REPS2: variants seen among roughly 807,000 people sequenced by gnomAD.
REPS2 encodes the protein ralBP1-associated Eps domain-containing protein 2.
REPS2 carries 23 observed loss-of-function variants against 53.6 expected under a neutral mutation model. The ratio of observed to expected loss-of-function variants is 0.43; its 90% CI spans 0.31 to 0.61. The LOEUF is 0.61. REPS2 is among the 20% of genes least tolerant of loss of function. REPS2 has a pLI of 0.11. For missense variants in REPS2, 446 were observed against 534.9 expected (o/e 0.83, Z 1.64); for synonymous variants, 238 against 218.6 (o/e 1.09, Z -0.78).
At chrX:16,966,839 T>C (rs998017534) in intron 1 of REPS2, among the ~76,000 whole-genome samples, 15 of 112,607 alleles carry the variant, frequency 1.3e-4, no homozygotes, top group Admixed American at 1.0e-3. Flanking sequence ...TGCCCAATAC[T>C]ACTTTTAGAA....
intron 14 of REPS2, among the ~76,000 whole-genome samples, chrX:17,122,332 T>C (rs1013424004): frequency 8.0e-5 from 9 of 112,385 alleles, no homozygotes; most frequent in Non-Finnish European, 1.3e-4. Context: ...GTCTGGCTTT[T>C]TATTAAATGA....
At chrX:17,171,220 C>T in the REPS2 span, among the ~76,000 whole-genome samples, 1 of 111,851 alleles carries the variant, frequency 8.9e-6, no homozygotes, top group Non-Finnish European at 1.9e-5. Context: ...GGAGTGCTTC[C>T]CACCCAGCTC....
chrX:17,039,741 A>G (rs1011628538), intron 5 of REPS2, among the ~76,000 whole-genome samples: 1 of 112,311 alleles, frequency 8.9e-6, no homozygotes, highest in African/African-American at 3.2e-5. Flanking sequence ...CATGTGCCAT[A>G]GGTGTGTGGT....
At chrX:17,054,305 T>C (rs893119613) in intron 7 of REPS2, among the ~76,000 whole-genome samples, 2 of 112,919 alleles carry the variant, frequency 1.8e-5, no homozygotes, top group Non-Finnish European at 3.7e-5. Flanking sequence ...TACAAAAATT[T>C]ACGTGACTTG....
intron 14 of REPS2, among the ~76,000 whole-genome samples, chrX:17,127,130 T>A (rs2063222657): frequency 8.9e-6 from 1 of 111,946 alleles, no homozygotes; most frequent in Admixed American, 9.5e-5. Context: ...ACTCACAACA[T>A]TCCAAAAATG....
chrX:17,017,284 A>G (rs1333696618), intron 2 of REPS2, among the ~76,000 whole-genome samples: 1 of 112,228 alleles, frequency 8.9e-6, no homozygotes, highest in African/African-American at 3.2e-5. Flanking sequence ...ATATATTCTT[A>G]AAAGTGGATT....
At chrX:17,048,957 A>G (rs1481209780) in intron 6 of REPS2, among the ~76,000 whole-genome samples, 2 of 111,710 alleles carry the variant, frequency 1.8e-5, no homozygotes, top group African/African-American at 6.5e-5. Flanking sequence ...GTGCAATGGC[A>G]CGATCTTGGC....
chrX:17,103,481 T>G (rs1474547419), intron 13 of REPS2, among the ~76,000 whole-genome samples: 1 of 112,072 alleles, frequency 8.9e-6, no homozygotes, highest in Non-Finnish European at 1.9e-5. Flanking sequence ...CTGTACCATT[T>G]TATTATGTCG....
At chrX:16,981,949 G>A (rs1314504301) in intron 1 of REPS2, among the ~76,000 whole-genome samples, 1 of 111,232 alleles carries the variant, frequency 9.0e-6, no homozygotes, top group African/African-American at 3.3e-5. Flanking sequence ...ATACGCTTTA[G>A]CAGTCACCCT....
At chrX:16,991,685 A>G (rs1041797979) in intron 1 of REPS2, among the ~76,000 whole-genome samples, 3 of 110,695 alleles carry the variant, frequency 2.7e-5, no homozygotes, top group Admixed American at 1.9e-4. Flanking sequence ...TCCTCAGAAG[A>G]AGGCAGTCAG....
intron 1 of REPS2, among the ~76,000 whole-genome samples, chrX:16,965,224 C>T (rs1414277169): frequency 5.0e-5 from 5 of 99,790 alleles, no homozygotes; most frequent in African/African-American, 1.1e-4. Flanking sequence ...TGGGCAGAGG[C>T]GCCCCTCACT....
At chrX:16,967,650 C>T (rs767437813) in intron 1 of REPS2, among the ~76,000 whole-genome samples, 4 of 110,414 alleles carry the variant, frequency 3.6e-5, no homozygotes, top group Middle Eastern at 4.7e-3. Context: ...GGTGACAGAG[C>T]GAGACCCTGT....
chrX:17,025,128 G>T lies in REPS2; in HGVS notation c.616G>T (p.Val206Leu), dbSNP rs2061627041. ...TTCTTCCCCGCCTCATTACCAGAGG[G>T]TGCCCTTGAGCCATGGCTACAGCAA... Reference protein sequence around the residue: ...PPSSPPHYQRVPLSHGYSKLR... With the variant: ...PPSSPPHYQRLPLSHGYSKLR... Residue 206 changes from valine to leucine, a missense_variant, in exon 4 of 18, where the codon GTG becomes TTG. Coordinates refer to ENST00000357277, the MANE Select transcript of REPS2 (RefSeq NM_004726.3). 1 of 1,209,974 alleles carries T rather than the reference G, an allele frequency of 8.3e-7. No individual in the cohort carries two copies. The highest frequency in any genetic ancestry group is 1.1e-6 in the Non-Finnish European group (1 of 895,208).
intron 14 of REPS2, among the ~76,000 whole-genome samples, chrX:17,122,645 C>T (rs1398030145): frequency 8.9e-6 from 1 of 112,400 alleles, no homozygotes; most frequent in African/African-American, 3.2e-5. Context: ...CTGATTTACA[C>T]TCCATTAATG....
chrX:16,951,555 A>ACC lies in REPS2; in HGVS notation c.273+4422_273+4423insCC, dbSNP rs1569083834. ...CACACACACACACACACACACACAC[A>ACC]CACACCCCCGCTACCTACCTCTCTC... On this transcript the variant is annotated intron_variant, in intron 1 of 17. Transcript: ENST00000357277. Among the ~76,000 whole-genome samples the ACC allele has an allele frequency of 3.8e-4, 9 of 23,977 alleles. 1 individual carries two copies. The highest frequency in any genetic ancestry group is 9.0e-4 in the Non-Finnish European group (8 of 8,840). The allele number at this position is 23,977 out of a possible 115,157, so 20.8% of individuals were successfully genotyped here.
intron 14 of REPS2, among the ~76,000 whole-genome samples, chrX:17,107,087 AGGTT>A (rs2062884374): frequency 1.8e-5 from 2 of 112,475 alleles, no homozygotes; most frequent in Non-Finnish European, 3.8e-5. Flanking sequence ...AAGTGAAATC[AGGTT>A]CTGATAAATT....
In REPS2 at chrX:17,148,161, A is replaced by G. The variant is rs1449203506; in HGVS notation, c.*680A>G. ...CCTCTGTAAAGTGGAGGTTTTGGCA[A>G]TGAGCTGTTTAACTTGGCCAAGCTA... On this transcript the variant is annotated 3_prime_UTR_variant, in exon 18 of 18. Coordinates refer to ENST00000357277, the MANE Select transcript of REPS2 (RefSeq NM_004726.3). 1 of 112,502 alleles carries G rather than the reference A, an allele frequency of 8.9e-6. No homozygotes were observed. The highest frequency in any genetic ancestry group is 1.9e-5 in the Non-Finnish European group (1 of 53,265). The allele number at this position is 112,502 out of a possible 1,213,427, so 9.3% of individuals were successfully genotyped here. A position where few individuals can be genotyped will look rare whatever the true frequency, so the allele number is the denominator to read the frequency against.
chrX:17,075,383 C>T (rs2062365524), intron 12 of REPS2, among the ~76,000 whole-genome samples: 1 of 112,473 alleles, frequency 8.9e-6, no homozygotes, highest in Non-Finnish European at 1.9e-5. Flanking sequence ...CTCATAGCCA[C>T]ACGTTCTGTT....
intron 17 of REPS2, among the ~76,000 whole-genome samples, chrX:17,142,294 G>A (rs1910448967): frequency 9.0e-6 from 1 of 111,243 alleles, no homozygotes; most frequent in Non-Finnish European, 1.9e-5. Flanking sequence ...TCATGATCTG[G>A]AGTTAGAAAT....
Sources: allele counts gnomAD v4.1 joint callset (sites outside exome capture counted in the v4.1 genomes callset), GRCh38; gene constraint gnomAD v4.1.1; transcripts MANE v1.5; gene names NCBI Gene and HGNC (gene_info 2026-07-23, HGNC 2026-07-21).